The following MEIS1 variants were observed in gnomAD, a reference collection of about 807,000 sequenced individuals.
MEIS1 encodes homeobox protein Meis1.
Under a neutral mutation model 50.8 loss-of-function variants are expected in MEIS1, and 5 were observed. That is an observed-to-expected ratio of 0.10 (90% CI 0.05 to 0.21). MEIS1 has a LOEUF of 0.21. Among genes scored for constraint, MEIS1 ranks in the 10% least tolerant of loss-of-function variants. The pLI is 1.00. For synonymous variants in MEIS1, 176 were observed against 179.3 expected (o/e 0.98, Z 0.15); for missense variants, 318 against 517.3 (o/e 0.61, Z 3.74).
At chr2:66,551,680 C>T (rs577887349) in intron 9 of MEIS1, among the ~76,000 whole-genome samples, 1 of 150,644 alleles carries the variant, frequency 6.6e-6, no homozygotes, top group Non-Finnish European at 1.5e-5. Context: ...AAATCAACCT[C>T]CATAACTAGT....
intron 9 of MEIS1, among the ~76,000 whole-genome samples, chr2:66,567,103 A>G (rs1675367361): frequency 6.6e-6 from 1 of 152,208 alleles, no homozygotes; most frequent in Admixed American, 6.5e-5. Flanking sequence ...ATGAGCATCT[A>G]ACTCTTTACA....
At chr2:66,568,808 T>C (rs1172418789) in intron 11 of MEIS1, 52 bp downstream of exon 11, 6 of 1,476,460 alleles carry the variant, frequency 4.1e-6, no homozygotes, top group Non-Finnish European at 5.7e-6. Flanking sequence ...AAGAGTGTCA[T>C]CCCCTCATCA....
At chr2:66,441,385 G>C (rs1356475205) in intron 4 of MEIS1, 29 bp from the exon 5 acceptor site, 1 of 1,538,404 alleles carries the variant, frequency 6.5e-7, no homozygotes, top group Non-Finnish European at 8.8e-7. Flanking sequence ...GCCAGGAATG[G>C]GGTGCTTATT....
chr2:66,441,313 T>C, intron 4 of MEIS1, 101 bp from the exon 5 acceptor site: 1 of 955,176 alleles, frequency 1.0e-6, no homozygotes, highest in Non-Finnish European at 1.5e-6. Context: ...AAAATAACTC[T>C]ATTTACTGGT....
At chr2:66,440,848 T>A in intron 4 of MEIS1, 1 of 566,636 alleles carries the variant, frequency 1.8e-6, no homozygotes, top group Non-Finnish European at 3.1e-6. Context: ...CTTTTGTTTT[T>A]TATGACAGCC....
At chr2:66,533,310 GATT>G (rs1313379189) in intron 8 of MEIS1, among the ~76,000 whole-genome samples, 3 of 151,384 alleles carry the variant, frequency 2.0e-5, no homozygotes, top group South Asian at 4.2e-4. Context: ...GAAGGATCCC[GATT>G]ATTATTGATT....
At chr2:66,462,598 C>T (rs535050056) in intron 6 of MEIS1, among the ~76,000 whole-genome samples, 1 of 152,150 alleles carries the variant, frequency 6.6e-6, no homozygotes, top group African/African-American at 2.4e-5. Context: ...AAACAAGTCC[C>T]CCTTTTAGAG....
chr2:66,570,204 C>T (rs1416451606), intron 12 of MEIS1: 2 of 152,172 alleles, frequency 1.3e-5, no homozygotes, highest in East Asian at 1.9e-4. Flanking sequence ...GCTCTGAAAA[C>T]ATTCCATTGA....
chr2:66,442,409 A>T (rs1005601956), intron 5 of MEIS1, among the ~76,000 whole-genome samples: 1 of 151,558 alleles, frequency 6.6e-6, no homozygotes, highest in African/African-American at 2.4e-5. Flanking sequence ...CCCCTTAGAG[A>T]TAAAAACCTT....
intron 9 of MEIS1, among the ~76,000 whole-genome samples, chr2:66,565,238 G>A (rs1392760921): frequency 1.3e-5 from 2 of 152,000 alleles, no homozygotes; most frequent in East Asian, 1.9e-4. Flanking sequence ...TGAATATGAT[G>A]GAGACAAGTT....
intron 6 of MEIS1, chr2:66,443,817 T>TG (rs1672061060): frequency 6.6e-6 from 1 of 152,654 alleles, no homozygotes; most frequent in African/African-American, 2.4e-5. Context: ...GTAAGGAGTG[T>TG]GGGGGACCTC....
chr2:66,572,146 C>G lies in MEIS1; in HGVS notation c.*938C>G, dbSNP rs1018726436. ...GGATGGGAAAAACTGCAGTCATCAA[C>G]AATGATTAATCAGCTGTTGCAGGCA... On this transcript the variant is annotated 3_prime_UTR_variant, in exon 13 of 13. Transcript: ENST00000272369. The G allele has an allele frequency of 3.3e-5, 5 of 152,674 alleles. No homozygotes were observed. Among genetic ancestry groups the G allele is most frequent in the Admixed American group, 2.6e-4 (4 of 15,272 alleles). The allele number at this position is 152,674 out of a possible 1,614,324, so 9.5% of individuals were successfully genotyped here.
chr2:66,564,720 G>GT (rs527736673), intron 9 of MEIS1, among the ~76,000 whole-genome samples: 4,127 of 142,730 alleles, frequency 0.029, 148 homozygotes, highest in African/African-American at 0.086. Context: ...AAAAGTAATT[G>GT]TTTTTTTTTT....
At position 66,515,560 on chromosome 2, in the gene MEIS1, C is replaced by CT. The variant is rs1673945127; in HGVS notation, c.888+3267dup. Among the ~76,000 whole-genome samples the CT allele has an allele frequency of 1.3e-5, 2 of 152,084 alleles. 1 individual carries two copies. Among genetic ancestry groups the CT allele is most frequent in the East Asian group, 3.8e-4 (2 of 5,200 alleles). ...AGCCTCACTCTTGGGCTCACAGTCT[C>CT]TAGCAAGCTAAACTGGACATACTTG... On this transcript the variant is annotated intron_variant, in intron 8 of 12. Transcript: ENST00000272369.
In MEIS1 at chr2:66,500,250, G is replaced by A. The variant is rs897409290; in HGVS notation, c.743-11899G>A. On this transcript the variant is annotated intron_variant, in intron 7 of 12. Transcript: ENST00000272369. The stretch of plus-strand genomic sequence containing the variant: ...GGCTGTATGTTATAATCAACTTGGA[G>A]CTTTAACAGTCACTAATGCTGAAAT... Among the ~76,000 whole-genome samples, 14 of 152,058 alleles carry A rather than the reference G, an allele frequency of 9.2e-5. 1 individual carries two copies. Among genetic ancestry groups the A allele is most frequent in the African/African-American group, 3.1e-4 (13 of 41,424 alleles).
At position 66,465,684 on chromosome 2, in the gene MEIS1, CTT is replaced by C. The variant is rs1031634232; in HGVS notation, c.742+1465_742+1466del. Among the ~76,000 whole-genome samples the C allele has an allele frequency of 1.8e-4, 28 of 152,300 alleles. 1 individual carries two copies. Among genetic ancestry groups the C allele is most frequent in the Admixed American group, 1.2e-3 (19 of 15,302 alleles). ...CTTTTTCATTTCTTGCTTTTCAAAA[CTT>C]ATATCATCTGAGAATAGGTAGATAG... On this transcript the variant is annotated intron_variant, in intron 7 of 12. Transcript: ENST00000272369.
chr2:66,482,413 T>C (rs1385565006), intron 7 of MEIS1, among the ~76,000 whole-genome samples: 2 of 152,134 alleles, frequency 1.3e-5, no homozygotes, highest in Non-Finnish European at 2.9e-5. Context: ...CCTAAGTCAG[T>C]CAGGTTTCTC....
At chr2:66,446,328 C>T (rs1672145044) in intron 6 of MEIS1, among the ~76,000 whole-genome samples, 1 of 152,126 alleles carries the variant, frequency 6.6e-6, no homozygotes, top group African/African-American at 2.4e-5. Context: ...GGCTTCCTTC[C>T]TAGGCCGCTT....
intron 9 of MEIS1, among the ~76,000 whole-genome samples, chr2:66,557,205 G>A (rs766391438): frequency 9.2e-5 from 14 of 152,086 alleles, no homozygotes; most frequent in Non-Finnish European, 1.5e-4. Flanking sequence ...CTAATTAGAG[G>A]CAGGGCTAGG....
Sources: gnomAD v4.1 joint callset for allele counts (sites outside exome capture counted in the v4.1 genomes callset) on GRCh38, gnomAD v4.1.1 for gene constraint, MANE v1.5 for transcripts, NCBI Gene and HGNC (gene_info 2026-07-23, HGNC 2026-07-21) for gene names.